WDR37: variants seen among roughly 807,000 people sequenced by gnomAD.
WDR37 encodes the protein WD repeat domain 37, also known as WD repeat-containing protein 37.
In WDR37, 19 loss-of-function variants were observed where a neutral mutation model predicts 62.9. The observed-to-expected ratio is 0.30, with a 90% CI of 0.21 to 0.44. The LOEUF (loss-of-function observed/expected upper bound fraction) is 0.44, where lower values mean the gene tolerates loss of function less well. Among genes scored for constraint, WDR37 ranks in the 20% least tolerant of loss-of-function variants. The pLI, the probability that WDR37 is intolerant of heterozygous loss-of-function variation, is 1.00. For synonymous variants in WDR37, 250 were observed against 260.9 expected, an observed-to-expected ratio of 0.96 and a Z score of 0.40; for missense variants, 474 against 657.6, an observed-to-expected ratio of 0.72 and a Z score of 3.05.
intron 13 of WDR37, among the ~76,000 whole-genome samples, chr10:1,126,324 T>A (rs929870252): frequency 7.0e-6 from 1 of 142,942 alleles, no homozygotes; most frequent in Admixed American, 6.7e-5. Context: ...GAGAATGGCG[T>A]GAACCCAGGA....
At chr10:1,102,858 C>A (rs191086417) in intron 9 of WDR37, among the ~76,000 whole-genome samples, 1 of 152,142 alleles carries the variant, frequency 6.6e-6, no homozygotes, top group Non-Finnish European at 1.5e-5. Flanking sequence ...TTTGCTAGAA[C>A]AGAAGTTCTC....
intron 11 of WDR37, among the ~76,000 whole-genome samples, chr10:1,120,304 A>G (rs1335745251): frequency 6.6e-6 from 1 of 152,226 alleles, no homozygotes; most frequent in African/African-American, 2.4e-5. Context: ...AGTTGCAGGA[A>G]GGGCTCTGAT....
At chr10:1,074,940 T>C (rs1039519899) in intron 2 of WDR37, among the ~76,000 whole-genome samples, 1 of 152,294 alleles carries the variant, frequency 6.6e-6, no homozygotes, top group Non-Finnish European at 1.5e-5. Flanking sequence ...AGCTGGCTGC[T>C]TCCCGCACGT....
intron 9 of WDR37, among the ~76,000 whole-genome samples, chr10:1,097,215 A>G (rs1834617478): frequency 6.6e-6 from 1 of 152,240 alleles, no homozygotes; most frequent in South Asian, 2.1e-4. Flanking sequence ...GACAAAAAAA[A>G]GAGAAAGCTG....
intron 1 of WDR37, among the ~76,000 whole-genome samples, chr10:1,071,041 A>G (rs990689570): frequency 3.3e-5 from 5 of 152,252 alleles, no homozygotes; most frequent in Non-Finnish European, 4.4e-5. Flanking sequence ...TGCGTAAGTC[A>G]CCATTGTAAC....
chr10:1,129,675 A>ATACGGCG lies in WDR37; in HGVS notation c.*331_*332insTACGGCG. ...ATTACATTTGTGTGAATTAAATGTG[A>ATACGGCG]ACTTCTGTATTACGTTGCGGCGTCG... On this transcript the variant is annotated 3_prime_UTR_variant, in exon 14 of 14. Transcript: ENST00000263150. 1 of 199,894 alleles carries ATACGGCG rather than the reference A, an allele frequency of 5.0e-6. No homozygotes were observed. The highest frequency in any genetic ancestry group is 1.0e-4 in the South Asian group (1 of 10,050). 12.4% of individuals were successfully genotyped at this position (199,894 alleles called of 1,614,324 possible).
At position 1,091,808 on chromosome 10, in the gene WDR37, A is replaced by G. The variant is rs1589099577; in HGVS notation, c.605-1644A>G. ...GTGCGTGCTTGTGGTCTTGCTGACC[A>G]CATGTCAAGCTATTCTGTCTACATT... On this transcript the variant is annotated intron_variant, in intron 7 of 13. Coordinates refer to ENST00000263150, the MANE Select transcript of WDR37 (RefSeq NM_014023.4). Among the ~76,000 whole-genome samples, 3 of 152,220 alleles carry G rather than the reference A, an allele frequency of 2.0e-5. No homozygotes were observed. In the South Asian group the frequency reaches 6.2e-4, roughly 31 times the overall value.
Position 1,056,747 on chromosome 10 carries a change from G to C in WDR37, c.-262G>C, listed in dbSNP as rs1387827058. ...GCCGCCGGGTGTGGGGCGGAGGTGTGGGGCGGCTTCCGGAGAACCCAGCGG... is the reference window on the plus strand; with the variant it reads ...GCCGCCGGGTGTGGGGCGGAGGTGTCGGGCGGCTTCCGGAGAACCCAGCGG... On this transcript the variant is annotated 5_prime_UTR_variant, in exon 1 of 14. Transcript: ENST00000263150. 2 of 152,378 alleles carry C rather than the reference G, an allele frequency of 1.3e-5. No individual in the cohort carries two copies. The allele number at this position is 152,378 out of a possible 1,614,324, so 9.4% of individuals were successfully genotyped here.
chr10:1,116,228 C>T (rs34548153), intron 11 of WDR37, among the ~76,000 whole-genome samples: 295 of 151,894 alleles, frequency 1.9e-3, no homozygotes, highest in South Asian at 7.7e-3. Context: ...TCAGTCCTCC[C>T]GTCATCCCCC....
intron 9 of WDR37, among the ~76,000 whole-genome samples, chr10:1,099,509 A>G (rs191093013): frequency 7.9e-5 from 12 of 152,374 alleles, no homozygotes; most frequent in African/African-American, 1.2e-4. Flanking sequence ...AATTCCAGTG[A>G]TAAATGAGTT....
rs1834900604 is a variant in WDR37 at position 1,103,837 on chromosome 10, G to A, written c.961+1G>A. On this transcript the variant is annotated splice_donor_variant, in intron 10 of 13. Transcript: ENST00000263150. LOFTEE classifies it high-confidence loss of function. The surrounding 1 kb of genome is among the most constrained non-coding windows in gnomAD (Gnocchi z 6.3). ...TCCGAGCTCGTTCACTCTCTGACAG[G>A]TGCCTGGGTTCTCTGAGTCCGCCGC... The A allele has an allele frequency of 6.2e-7, 1 of 1,613,316 alleles. No homozygotes were observed. Among genetic ancestry groups the A allele is most frequent in the South Asian group, 1.1e-5 (1 of 91,082 alleles).
At chr10:1,117,995 C>T (rs1835460143) in intron 11 of WDR37, among the ~76,000 whole-genome samples, 3 of 138,656 alleles carry the variant, frequency 2.2e-5, no homozygotes, top group Admixed American at 1.4e-4. Flanking sequence ...CACCCTCAGC[C>T]AGCCCTACTT....
rs1834202191 is a variant in WDR37, at chr10:1,086,416, T to C, written c.604+59T>C. On this transcript the variant is annotated intron_variant, in intron 7 of 13. Transcript: ENST00000263150. The stretch of plus-strand genomic sequence containing the variant: ...GCCGTTGCCTTCTCCAGTGTGTTTT[T>C]AAAATCGTGCATGATAAAGCCAGCT... 5.7e-6 allele frequency: 8 copies of C among 1,409,128 alleles called. No homozygotes were observed. The African/African-American group carries it at 9.9e-5, about 17-fold the overall frequency. 87.3% of individuals were successfully genotyped at this position (1,409,128 alleles called of 1,614,324 possible).
chr10:1,090,838 C>T lies in WDR37; in HGVS notation c.605-2614C>T, dbSNP rs142633471. On this transcript the variant is annotated intron_variant, in intron 7 of 13. Coordinates refer to ENST00000263150, the MANE Select transcript of WDR37 (RefSeq NM_014023.4). ...GAAGGGTAGCCGTGGCTGGCATCCC[C>T]GTTTCTGCTCCCCTCGTGGCCACTG... 8.6e-4 allele frequency among the ~76,000 whole-genome samples: 131 copies of T among 152,312 alleles called. 1 individual carries two copies. Among genetic ancestry groups the T allele is most frequent in the African/African-American group, 2.9e-3 (120 of 41,560 alleles).
At chr10:1,100,931 G>A (rs979397826) in intron 9 of WDR37, among the ~76,000 whole-genome samples, 1 of 152,200 alleles carries the variant, frequency 6.6e-6, no homozygotes, top group African/African-American at 2.4e-5. Flanking sequence ...TGAGCTGCAC[G>A]TGCCACCCTG....
chr10:1,074,268 G>A, intron 2 of WDR37: 1 of 1,143,410 alleles, frequency 8.7e-7, no homozygotes, highest in Non-Finnish European at 1.1e-6. Flanking sequence ...TTCTAGAGTT[G>A]TCTCCTGCCT....
At chr10:1,074,607 G>A (rs41313808) in intron 2 of WDR37, 18,777 of 1,077,222 alleles carry the variant, frequency 0.017, 215 homozygotes, top group Non-Finnish European at 0.021. Flanking sequence ...GCCGTGGGCG[G>A]GAGAGAGCTG....
At chr10:1,086,170 A>C in intron 6 of WDR37, 116 bp from the exon 7 acceptor site, 18 of 749,768 alleles carry the variant, frequency 2.4e-5, no homozygotes, top group Non-Finnish European at 3.6e-5. Flanking sequence ...CAAAGGTGGA[A>C]GAGATATCAG....
intron 11 of WDR37, among the ~76,000 whole-genome samples, chr10:1,116,515 T>C (rs913671167): frequency 9.9e-5 from 15 of 152,234 alleles, no homozygotes; most frequent in African/African-American, 3.6e-4. Context: ...GTTCTATCCA[T>C]GTTGCTGCAT....
Sources: gnomAD v4.1 joint callset for allele counts (sites outside exome capture counted in the v4.1 genomes callset) on GRCh38, gnomAD v4.1.1 for gene constraint, Gnocchi (gnomAD v3.1) non-coding constraint, MANE v1.5 for transcripts, NCBI Gene and HGNC (gene_info 2026-07-23, HGNC 2026-07-21) for gene names.